Variants in USP32 observed in about 807,000 individuals in gnomAD.
USP32 encodes the protein ubiquitin specific peptidase 32.
In USP32, 59 loss-of-function variants were observed where a neutral mutation model predicts 204.8. The observed-to-expected ratio is 0.29, with a 90% CI of 0.23 to 0.36. The LOEUF (loss-of-function observed/expected upper bound fraction) is 0.36. Among genes scored for constraint, USP32 ranks in the 10% least tolerant of loss-of-function variants. The pLI, the probability that USP32 is intolerant of heterozygous loss-of-function variation, is 1.00. For missense variants in USP32, 1,160 were observed against 1,946.4 expected (o/e 0.60, Z 7.60); for synonymous variants, 517 against 678.4 (o/e 0.76, Z 3.70).
intron 5 of USP32, among the ~76,000 whole-genome samples, chr17:60,279,819 A>T (rs1258881278): frequency 6.6e-6 from 1 of 151,436 alleles, no homozygotes; most frequent in Non-Finnish European, 1.5e-5. Flanking sequence ...CCTGGGCAAC[A>T]GAGCCAGAGC....
intron 5 of USP32, among the ~76,000 whole-genome samples, chr17:60,279,047 T>A (rs1478037500): frequency 6.6e-6 from 1 of 152,180 alleles, no homozygotes; most frequent in Admixed American, 6.5e-5. Flanking sequence ...AGGGAAGAAC[T>A]GTACTAACTT....
chr17:60,265,116 C>T lies in USP32; in HGVS notation c.990+296G>A, dbSNP rs79429298. 1.5e-3 allele frequency among the ~76,000 whole-genome samples: 228 copies of T among 152,294 alleles called. 1 individual carries two copies. Among genetic ancestry groups the T allele is most frequent in the African/African-American group, 5.1e-3 (213 of 41,554 alleles). ...GCTCAATATAAGGTTAGCCTTACCA[C>T]AACTTAGTCAAATGGAAGAAATACA... On this transcript the variant is annotated intron_variant, in intron 9 of 33. Coordinates refer to ENST00000300896, the MANE Select transcript of USP32 (RefSeq NM_032582.4).
chr17:60,233,732 T>A (rs1411906663), intron 12 of USP32, among the ~76,000 whole-genome samples: 1 of 152,176 alleles, frequency 6.6e-6, no homozygotes, highest in Non-Finnish European at 1.5e-5. Flanking sequence ...TCAACTTACA[T>A]TTCCCCCACC....
At chr17:60,216,436 T>C (rs929069949) in intron 16 of USP32, among the ~76,000 whole-genome samples, 34 of 152,080 alleles carry the variant, frequency 2.2e-4, no homozygotes, top group Non-Finnish European at 2.9e-4. Context: ...CAATATAATG[T>C]ACATTCCAAA....
At chr17:60,412,457 T>C (rs2090025914) in intron 1 of USP32, among the ~76,000 whole-genome samples, 1 of 151,086 alleles carries the variant, frequency 6.6e-6, no homozygotes, top group Non-Finnish European at 1.5e-5. Flanking sequence ...ATCACCTGAG[T>C]CTGAGAGGTC....
At chr17:60,239,856 T>C (rs1350358935) in intron 11 of USP32, among the ~76,000 whole-genome samples, 1 of 152,090 alleles carries the variant, frequency 6.6e-6, no homozygotes, top group African/African-American at 2.4e-5. Flanking sequence ...GCCTCAACCT[T>C]CCAAGTAGTT....
chr17:60,226,003 A>C (rs770400000), intron 13 of USP32, 36 bp downstream of exon 13: 27 of 1,547,840 alleles, frequency 1.7e-5, no homozygotes, highest in African/African-American at 2.8e-5. Flanking sequence ...CAGGGGGAAT[A>C]AACCAATAAA....
chr17:60,354,391 A>C (rs2089021065), intron 1 of USP32, among the ~76,000 whole-genome samples: 1 of 152,212 alleles, frequency 6.6e-6, no homozygotes, highest in Non-Finnish European at 1.5e-5. Context: ...AAAGAGGAAA[A>C]TTTAACAACA....
rs367883173 is a variant in USP32 at position 60,200,762 on chromosome 17, TTA to T, written c.3250-2320_3250-2319del. ...CACTTTCTTGCTTTTCTTTACAGTT[TTA>T]TATCCTATGCACAAGTAAATAAACA... On this transcript the variant is annotated intron_variant, in intron 26 of 33. Transcript: ENST00000300896. 1.8e-3 allele frequency among the ~76,000 whole-genome samples: 277 copies of T among 152,360 alleles called. 2 individuals carry two copies. The highest frequency in any genetic ancestry group is 5.6e-3 in the African/African-American group (231 of 41,596).
intron 7 of USP32, among the ~76,000 whole-genome samples, chr17:60,266,377 G>A (rs546167516): frequency 1.4e-4 from 21 of 152,272 alleles, no homozygotes; most frequent in African/African-American, 4.1e-4. Flanking sequence ...AAGAAAGGGC[G>A]AAGTTACTGT....
At chr17:60,359,542 G>A (rs2089157936) in intron 1 of USP32, among the ~76,000 whole-genome samples, 1 of 152,042 alleles carries the variant, frequency 6.6e-6, no homozygotes, top group Non-Finnish European at 1.5e-5. Context: ...AGGACACAGT[G>A]GCTCAAACCT....
intron 26 of USP32, 97 bp from the exon 27 acceptor site, chr17:60,198,541 C>T: frequency 1.4e-6 from 2 of 1,402,390 alleles, no homozygotes; most frequent in South Asian, 1.3e-5. Context: ...GGCACTATCA[C>T]CATTTCAAAT....
At chr17:60,337,573 G>T (rs1464874213) in intron 2 of USP32, among the ~76,000 whole-genome samples, 5 of 152,100 alleles carry the variant, frequency 3.3e-5, no homozygotes, top group Non-Finnish European at 5.9e-5. Flanking sequence ...CATAAAGTCT[G>T]CCCATCAAGA....
At chr17:60,373,393 C>T (rs1244872887) in intron 1 of USP32, among the ~76,000 whole-genome samples, 1 of 151,310 alleles carries the variant, frequency 6.6e-6, no homozygotes, top group Non-Finnish European at 1.5e-5. Context: ...TCGGTTACAC[C>T]AAATTTACTA....
intron 12 of USP32, 40 bp from the exon 13 acceptor site, chr17:60,226,271 A>T: frequency 6.7e-7 from 1 of 1,492,836 alleles, no homozygotes; most frequent in Middle Eastern, 1.8e-4. Context: ...CAAAGTTTAT[A>T]ATCTGACAAC....
intron 3 of USP32, among the ~76,000 whole-genome samples, chr17:60,298,318 G>T (rs912088173): frequency 6.6e-6 from 1 of 152,094 alleles, no homozygotes; most frequent in Admixed American, 6.6e-5. Context: ...ATCTGCTGGA[G>T]GCTATGTTTC....
chr17:60,411,916 T>C (rs552173027), intron 1 of USP32, among the ~76,000 whole-genome samples: 16 of 152,312 alleles, frequency 1.1e-4, no homozygotes, highest in Admixed American at 2.0e-4. Context: ...TTCCACTTTT[T>C]GGCTATTGTG....
At chr17:60,294,985 T>A (rs1356341583) in intron 3 of USP32, among the ~76,000 whole-genome samples, 184 bp from the exon 4 acceptor site, 1 of 152,200 alleles carries the variant, frequency 6.6e-6, no homozygotes, top group Admixed American at 6.5e-5. Flanking sequence ...TAGTATCTTT[T>A]CAAACATGCC....
chr17:60,408,226 T>G (rs1460300812), intron 1 of USP32, among the ~76,000 whole-genome samples: 1 of 151,958 alleles, frequency 6.6e-6, no homozygotes, highest in African/African-American at 2.4e-5. Flanking sequence ...ACAGAAATTA[T>G]GGAATTAGCA....
Sources: gnomAD v4.1 joint callset for allele counts (sites outside exome capture counted in the v4.1 genomes callset) on GRCh38, gnomAD v4.1.1 for gene constraint, MANE v1.5 for transcripts, NCBI Gene and HGNC (gene_info 2026-07-23, HGNC 2026-07-21) for gene names.